NPAS3: variants seen among roughly 807,000 people sequenced by gnomAD.
NPAS3 encodes the protein neuronal PAS domain protein 3, also known as neuronal PAS domain-containing protein 3.
A neutral mutation model predicts 73.1 loss-of-function variants in NPAS3; 14 were observed. The observed-to-expected ratio is 0.19, with a 90% CI of 0.13 to 0.30. The LOEUF (loss-of-function observed/expected upper bound fraction) is 0.30. Among genes scored for constraint, NPAS3 ranks in the 10% least tolerant of loss-of-function variants. The pLI is 1.00. For synonymous variants in NPAS3, 620 were observed against 541.5 expected (o/e 1.14, Z -2.01); for missense variants, 1,096 against 1,250.0 (o/e 0.88, Z 1.86).
intron 3 of NPAS3, among the ~76,000 whole-genome samples, chr14:33,364,240 C>CTA (rs1005916355): frequency 4.6e-5 from 7 of 152,234 alleles, no homozygotes; most frequent in African/African-American, 1.7e-4. Context: ...TAATGATACT[C>CTA]TATAAACATA....
chr14:33,347,815 G>T (rs984539018), intron 3 of NPAS3, among the ~76,000 whole-genome samples: 2 of 151,854 alleles, frequency 1.3e-5, no homozygotes, highest in Non-Finnish European at 2.9e-5. Flanking sequence ...ACATTGTATT[G>T]CTCAGGGAAC....
chr14:33,169,334 A>G (rs144129426), intron 2 of NPAS3, among the ~76,000 whole-genome samples: 449 of 152,284 alleles, frequency 2.9e-3, no homozygotes, highest in African/African-American at 0.01. Context: ...TTGGGAGGCC[A>G]AGGCAGATGG....
In NPAS3 at chr14:33,387,821, C is replaced by T. The variant is rs186109203; in HGVS notation, c.468+20553C>T. ...ATGTAATTATTTACTGAGTCCTGGACCCTACAATTAGATGCTGCAAATACC... is the reference window on the plus strand; with the variant it reads ...ATGTAATTATTTACTGAGTCCTGGATCCTACAATTAGATGCTGCAAATACC... On this transcript the variant is annotated intron_variant, in intron 4 of 11. Transcript: ENST00000356141. Among the ~76,000 whole-genome samples, 400 of 152,218 alleles carry T rather than the reference C, an allele frequency of 2.6e-3. 1 individual carries two copies. The highest frequency in any genetic ancestry group is 9.1e-3 in the African/African-American group (378 of 41,512).
At chr14:33,178,417 G>A (rs562576455) in intron 2 of NPAS3, among the ~76,000 whole-genome samples, 1 of 152,146 alleles carries the variant, frequency 6.6e-6, no homozygotes, top group Non-Finnish European at 1.5e-5. Flanking sequence ...ATATCTTAAC[G>A]ATATTAAGCC....
chr14:33,782,909 C>G (rs191589063), intron 9 of NPAS3, among the ~76,000 whole-genome samples: 1 of 152,146 alleles, frequency 6.6e-6, no homozygotes, highest in East Asian at 1.9e-4. Context: ...ATACAGCTAC[C>G]TGATATAATG....
intron 2 of NPAS3, among the ~76,000 whole-genome samples, chr14:33,069,664 A>C (rs1293411410): frequency 6.6e-6 from 1 of 152,204 alleles, no homozygotes; most frequent in Non-Finnish European, 1.5e-5. Context: ...TTCCATAGGG[A>C]TTAAATGAAC....
intron 6 of NPAS3, among the ~76,000 whole-genome samples, chr14:33,695,994 G>C (rs2060366989): frequency 6.6e-6 from 1 of 152,142 alleles, no homozygotes. Context: ...TCTCGAAGAA[G>C]AAATATTACT....
At chr14:33,601,395 A>C (rs1320082066) in intron 5 of NPAS3, among the ~76,000 whole-genome samples, 2 of 152,220 alleles carry the variant, frequency 1.3e-5, no homozygotes, top group African/African-American at 4.8e-5. Context: ...GTTCGTTTTC[A>C]TGGCTCAAAA....
At chr14:33,687,254 T>G (rs1456709646) in intron 6 of NPAS3, among the ~76,000 whole-genome samples, 1 of 152,050 alleles carries the variant, frequency 6.6e-6, no homozygotes, top group Non-Finnish European at 1.5e-5. Flanking sequence ...ATATGGAAAA[T>G]TTTGAAAATT....
At chr14:33,422,152 G>A (rs10483445) in intron 4 of NPAS3, among the ~76,000 whole-genome samples, 23,688 of 151,776 alleles carry the variant, frequency 0.16, 2,141 homozygotes, top group Admixed American at 0.26. Context: ...ACTAATTCTC[G>A]GCTCTGTATG....
chr14:33,315,904 C>A (rs964574875), intron 3 of NPAS3, among the ~76,000 whole-genome samples: 3 of 152,064 alleles, frequency 2.0e-5, no homozygotes, highest in Non-Finnish European at 2.9e-5. Flanking sequence ...AACTATGACA[C>A]AAGAGCAGTT....
chr14:33,738,936 A>G (rs1261174695), intron 7 of NPAS3, among the ~76,000 whole-genome samples: 1 of 152,190 alleles, frequency 6.6e-6, no homozygotes, highest in Non-Finnish European at 1.5e-5. Flanking sequence ...AGGGAAGACT[A>G]ATTGGGTCGC....
chr14:32,982,207 G>A (rs1203338169), intron 1 of NPAS3, among the ~76,000 whole-genome samples: 2 of 152,178 alleles, frequency 1.3e-5, no homozygotes, highest in Non-Finnish European at 2.9e-5. Context: ...AAGAGAGCTT[G>A]AGAGAAGAAG....
intron 5 of NPAS3, among the ~76,000 whole-genome samples, chr14:33,665,799 C>CTAAT (rs932296489): frequency 2.6e-5 from 4 of 151,972 alleles, no homozygotes; most frequent in East Asian, 1.9e-4. Context: ...AATCCTGTCT[C>CTAAT]TAATTAATTA....
chr14:33,464,888 A>G (rs72680176), intron 4 of NPAS3, among the ~76,000 whole-genome samples: 27,998 of 152,056 alleles, frequency 0.18, 2,957 homozygotes, highest in East Asian at 0.4. Context: ...CACACCTGTG[A>G]CCCAAGGGGC....
intron 2 of NPAS3, among the ~76,000 whole-genome samples, chr14:33,135,556 TATA>T (rs1316408013): frequency 6.6e-6 from 1 of 152,202 alleles, no homozygotes; most frequent in Non-Finnish European, 1.5e-5. Context: ...TCCAACATTT[TATA>T]ATAAGTCAAA....
chr14:33,348,208 C>A (rs2044841049), intron 3 of NPAS3, among the ~76,000 whole-genome samples: 1 of 152,176 alleles, frequency 6.6e-6, no homozygotes, highest in African/African-American at 2.4e-5. Flanking sequence ...ATAGCAAAAT[C>A]ATGATTGAAA....
chr14:33,192,247 G>A (rs1403921301), intron 2 of NPAS3, among the ~76,000 whole-genome samples: 1 of 151,976 alleles, frequency 6.6e-6, no homozygotes, highest in Non-Finnish European at 1.5e-5. Context: ...ACAATATGAA[G>A]CAATTAATTA....
intron 3 of NPAS3, among the ~76,000 whole-genome samples, chr14:33,278,820 TAAAA>T (rs1215161122): frequency 4.6e-5 from 7 of 152,170 alleles, no homozygotes; most frequent in African/African-American, 1.7e-4. Flanking sequence ...GCTTTTATCT[TAAAA>T]AATGTTAAGA....
Sources: gnomAD v4.1 joint callset for allele counts (sites outside exome capture counted in the v4.1 genomes callset) on GRCh38, gnomAD v4.1.1 for gene constraint, MANE v1.5 for transcripts, NCBI Gene and HGNC (gene_info 2026-07-23, HGNC 2026-07-21) for gene names.